LRBA: variants seen among roughly 807,000 people sequenced by gnomAD.
LRBA encodes the protein LPS responsive beige-like anchor protein.
In LRBA, 176 loss-of-function variants were observed where a neutral mutation model predicts 330.0. The observed-to-expected ratio is 0.53, with a 90% CI of 0.47 to 0.60. The LOEUF (loss-of-function observed/expected upper bound fraction) is 0.60, where lower values mean the gene tolerates loss of function less well. Among genes scored for constraint, LRBA ranks in the 20% least tolerant of loss-of-function variants. LRBA has a pLI of 0.00. For synonymous variants in LRBA, 1,230 were observed against 1,193.0 expected (o/e 1.03, Z -0.64); for missense variants, 3,259 against 3,444.8 (o/e 0.95, Z 1.35).
intron 40 of LRBA, among the ~76,000 whole-genome samples, chr4:150,517,963 T>C (rs562960264): frequency 6.6e-6 from 1 of 152,238 alleles, no homozygotes; most frequent in African/African-American, 2.4e-5. Flanking sequence ...GTTTGAAGTA[T>C]GACAGCAAAA....
intron 35 of LRBA, among the ~76,000 whole-genome samples, chr4:150,739,354 TA>T (rs942400853): frequency 1.0e-3 from 4 of 3,966 alleles, no homozygotes; most frequent in Non-Finnish European, 7.8e-3. Flanking sequence ...TGGAACATAT[TA>T]AAAAAAACAG....
At chr4:150,517,728 A>T (rs1762508160) in intron 40 of LRBA, among the ~76,000 whole-genome samples, 1 of 152,128 alleles carries the variant, frequency 6.6e-6, no homozygotes, top group Admixed American at 6.5e-5. Context: ...TTATTTCTAA[A>T]TTTTTTTCTA....
rs771140734 is a variant in LRBA, at chr4:150,471,683, C to T, written c.6608G>A (p.Arg2203Gln). 3.4e-5 allele frequency: 55 copies of T among 1,609,558 alleles called. No individual in the cohort carries two copies. Among genetic ancestry groups the T allele is most frequent in the Non-Finnish European group, 4.4e-5 (52 of 1,178,630 alleles). Residue 2203 changes from arginine to glutamine, a missense_variant, in exon 43 of 57, where the codon CGA becomes CAA. Arg to Gln is a conservative substitution (Grantham distance 43). Coordinates refer to ENST00000651943, the MANE Select transcript of LRBA (RefSeq NM_001364905.1). ...ATTAGATATCTCTCTGTGTTGCCAT[C>T]GCTGGGTCATATTAGAAGCCTTAAA... ...QLFKASNMTQ[R>Q]WQHREISNFE...
chr4:150,479,118 T>C (rs1757023790), intron 42 of LRBA, among the ~76,000 whole-genome samples: 1 of 151,728 alleles, frequency 6.6e-6, no homozygotes, highest in Non-Finnish European at 1.5e-5. Flanking sequence ...ACAGCATCTC[T>C]TAAAAAAAAA....
intron 2 of LRBA, among the ~76,000 whole-genome samples, chr4:151,009,708 C>T (rs575925609): frequency 2.8e-4 from 43 of 151,752 alleles, no homozygotes; most frequent in African/African-American, 8.2e-4. Context: ...GAGCAAGGCG[C>T]GGTGGCTCAC....
rs184312397 is a variant in LRBA at position 150,772,919 on chromosome 4, T to C, written c.5581-11072A>G. Among the ~76,000 whole-genome samples the C allele has an allele frequency of 5.9e-5, 9 of 152,244 alleles. No homozygotes were observed. In the East Asian group the frequency reaches 1.7e-3, roughly 29 times the overall value. ...AGGAATACGTTGCCTCTAAAATCCA[T>C]AGAGTCTACAGCCATACCACCCTGA... On this transcript the variant is annotated intron_variant, in intron 34 of 56. Transcript: ENST00000651943.
intron 36 of LRBA, among the ~76,000 whole-genome samples, chr4:150,712,102 C>G (rs952630486): frequency 1.3e-5 from 2 of 152,152 alleles, no homozygotes; most frequent in Non-Finnish European, 2.9e-5. Context: ...AAGAGCAGAA[C>G]ATAAAGTTTT....
chr4:150,772,911 A>G (rs922893453), intron 34 of LRBA, among the ~76,000 whole-genome samples: 1 of 152,202 alleles, frequency 6.6e-6, no homozygotes, highest in African/African-American at 2.4e-5. Flanking sequence ...CGTTGCCTCT[A>G]AAATCCATAG....
At chr4:150,550,142 T>C (rs1305840171) in intron 40 of LRBA, among the ~76,000 whole-genome samples, 2 of 152,346 alleles carry the variant, frequency 1.3e-5, no homozygotes, top group Non-Finnish European at 2.9e-5. Context: ...ATTAAAAATA[T>C]GTGTGGAATG....
intron 48 of LRBA, among the ~76,000 whole-genome samples, chr4:150,332,703 C>A (rs1331574286): frequency 8.2e-6 from 1 of 121,772 alleles, no homozygotes; most frequent in African/African-American, 3.1e-5. Flanking sequence ...TTCATCAATT[C>A]CCAATTATTT....
intron 30 of LRBA, among the ~76,000 whole-genome samples, chr4:150,827,930 C>A (rs886616804): frequency 2.0e-5 from 3 of 151,996 alleles, no homozygotes; most frequent in Non-Finnish European, 4.4e-5. Context: ...ATAACATGTT[C>A]TTTTTTTCTA....
intron 47 of LRBA, among the ~76,000 whole-genome samples, chr4:150,407,918 G>A (rs191601271): frequency 1.2e-4 from 18 of 152,022 alleles, no homozygotes; most frequent in Non-Finnish European, 2.4e-4. Flanking sequence ...CACATAACGA[G>A]AAAATTGTAA....
chr4:150,748,960 C>A (rs996888889), intron 35 of LRBA, among the ~76,000 whole-genome samples: 2 of 152,136 alleles, frequency 1.3e-5, no homozygotes, highest in African/African-American at 4.8e-5. Context: ...TCATCACACA[C>A]TGAAACCTGC....
chr4:150,554,841 C>T (rs538636999), intron 40 of LRBA, among the ~76,000 whole-genome samples: 29 of 152,058 alleles, frequency 1.9e-4, no homozygotes, highest in Non-Finnish European at 3.1e-4. Flanking sequence ...TTCTATGCCA[C>T]TTATAAAAAA....
At chr4:150,687,875 A>C (rs945740239) in intron 36 of LRBA, among the ~76,000 whole-genome samples, 10 of 152,064 alleles carry the variant, frequency 6.6e-5, no homozygotes, top group Non-Finnish European at 1.5e-4. Flanking sequence ...TGGCCATACT[A>C]TCCAAATTAA....
chr4:150,728,189 C>G (rs1258679521), intron 36 of LRBA, among the ~76,000 whole-genome samples: 5 of 152,058 alleles, frequency 3.3e-5, no homozygotes, highest in Non-Finnish European at 7.4e-5. Context: ...AGACCAATAA[C>G]AAGTGACAAG....
intron 40 of LRBA, among the ~76,000 whole-genome samples, chr4:150,541,864 T>C (rs1008549557): frequency 2.0e-5 from 3 of 152,076 alleles, no homozygotes; most frequent in African/African-American, 7.2e-5. Flanking sequence ...AAATTTTTTT[T>C]TGTAGAGGCA....
intron 40 of LRBA, among the ~76,000 whole-genome samples, chr4:150,536,517 T>C (rs1239341765): frequency 6.6e-6 from 1 of 152,218 alleles, no homozygotes; most frequent in Non-Finnish European, 1.5e-5. Flanking sequence ...ACATTCTGTT[T>C]CCTATTCTAG....
intron 4 of LRBA, 72 bp downstream of exon 4, chr4:150,928,444 T>C (rs1734110273): frequency 3.5e-6 from 3 of 860,674 alleles, no homozygotes; most frequent in African/African-American, 3.4e-5. Context: ...TAATATCAGT[T>C]ACTTTACAAG....
Sources: allele counts gnomAD v4.1 joint callset (sites outside exome capture counted in the v4.1 genomes callset), GRCh38; gene constraint gnomAD v4.1.1; transcripts MANE v1.5; gene names NCBI Gene and HGNC (gene_info 2026-07-23, HGNC 2026-07-21).